The following BSN variants were observed in gnomAD, a reference collection of about 807,000 sequenced individuals.
The protein encoded by BSN is protein bassoon.
Under a neutral mutation model 264.8 loss-of-function variants are expected in BSN, and 57 were observed. That is an observed-to-expected ratio of 0.22 (90% CI 0.17 to 0.27). The LOEUF is 0.27. Ranked by LOEUF, BSN falls within the 10% of genes least tolerant of loss-of-function variation. The pLI is 1.00. For missense variants in BSN, 4,615 were observed against 5,232.5 expected (o/e 0.88, Z 3.64); for synonymous variants, 2,059 against 2,137.3 (o/e 0.96, Z 1.01).
rs1184964847 is a variant in BSN, at chr3:49,670,083, C to A, written c.*2598C>A. ...ATGGATGGGACAGGAAGCTGCCAAC[C>A]TTTGTGTTGGACTTAACACCCTTGC... On this transcript the variant is annotated 3_prime_UTR_variant, in exon 12 of 12. Coordinates refer to ENST00000296452, the MANE Select transcript of BSN (RefSeq NM_003458.4). 3.3e-5 allele frequency: 5 copies of A among 152,710 alleles called. No individual in the cohort carries two copies. Among genetic ancestry groups the A allele is most frequent in the African/African-American group, 1.2e-4 (5 of 41,468 alleles). The allele number at this position is 152,710 out of a possible 1,614,324, so 9.5% of individuals were successfully genotyped here. A position where few individuals can be genotyped will look rare whatever the true frequency, so the allele number is the denominator to read the frequency against.
At chr3:49,646,738 G>A (rs1258398594) in intron 3 of BSN, among the ~76,000 whole-genome samples, 1 of 152,180 alleles carries the variant, frequency 6.6e-6, no homozygotes, top group Non-Finnish European at 1.5e-5. Flanking sequence ...CCCTGTGGCT[G>A]GTGTAAGCTT....
chr3:49,579,240 C>T (rs1284892750), intron 1 of BSN, among the ~76,000 whole-genome samples: 1 of 151,842 alleles, frequency 6.6e-6, no homozygotes, highest in Non-Finnish European at 1.5e-5. Context: ...CCTCCTGTCT[C>T]AGGCACCCAA....
intron 1 of BSN, among the ~76,000 whole-genome samples, chr3:49,581,412 A>G (rs562734850): frequency 6.6e-6 from 1 of 152,338 alleles, no homozygotes; most frequent in East Asian, 1.9e-4. Context: ...TTGAGAGAAC[A>G]CATTCATATA....
At chr3:49,633,828 G>A (rs1375595446) in intron 2 of BSN, among the ~76,000 whole-genome samples, 1 of 152,174 alleles carries the variant, frequency 6.6e-6, no homozygotes, top group Non-Finnish European at 1.5e-5. Context: ...AGTGAAATAA[G>A]CCAGTCACAA....
chr3:49,564,468 A>G (rs1169774581), intron 1 of BSN, among the ~76,000 whole-genome samples: 3 of 152,198 alleles, frequency 2.0e-5, no homozygotes, highest in Non-Finnish European at 2.9e-5. Flanking sequence ...ACTGTGTTCC[A>G]TGAACTGGGG....
intron 1 of BSN, among the ~76,000 whole-genome samples, chr3:49,595,213 A>G (rs1278316164): frequency 9.0e-6 from 1 of 111,418 alleles, no homozygotes; most frequent in Non-Finnish European, 1.8e-5. Context: ...TTTTTTTGAG[A>G]TGGAGTTTTG....
rs368994142 is a variant in BSN, at chr3:49,650,806, G to T, written c.1713G>T (p.Lys571Asn). 1 of 1,613,870 alleles carries T rather than the reference G, an allele frequency of 6.2e-7. No individual in the cohort carries two copies. Among genetic ancestry groups the T allele is most frequent in the African/African-American group, 1.3e-5 (1 of 74,934 alleles). The stretch of plus-strand genomic sequence containing the variant: ...AGCCTTCAGGCCCCCTGCCTGCCAA[G>T]GCCAGCCCTCTATCCACCAAGGCCA... ...LGQPSGPLPA[K>N]ASPLSTKASP... Residue 571 changes from lysine to asparagine, a missense_variant, in exon 4 of 12, where the codon AAG becomes AAT. By Grantham distance (94) the Lys-to-Asn change is moderately conservative. Around this residue, in one of 3 missense-constraint regions of BSN, gnomAD observed 1,197 missense variants for 1,348.0 expected, o/e 0.89. Coordinates refer to ENST00000296452, the MANE Select transcript of BSN (RefSeq NM_003458.4).
At chr3:49,587,228 T>C (rs2051943795) in intron 1 of BSN, among the ~76,000 whole-genome samples, 1 of 152,196 alleles carries the variant, frequency 6.6e-6, no homozygotes, top group Non-Finnish European at 1.5e-5. Context: ...TGGCATATAG[T>C]AATAGAAATA....
At chr3:49,644,594 G>A (rs576305466) in intron 3 of BSN, among the ~76,000 whole-genome samples, 6 of 152,244 alleles carry the variant, frequency 3.9e-5, no homozygotes, top group South Asian at 2.1e-4. Flanking sequence ...TCACTGGCTC[G>A]GGGAAAGGGG....
intron 2 of BSN, among the ~76,000 whole-genome samples, chr3:49,627,435 A>G (rs1291748088): frequency 6.6e-6 from 1 of 152,146 alleles, no homozygotes; most frequent in African/African-American, 2.4e-5. Context: ...AATCCTTGGC[A>G]CATCTTCCTG....
At chr3:49,572,112 T>C (rs2051801424) in intron 1 of BSN, among the ~76,000 whole-genome samples, 1 of 152,182 alleles carries the variant, frequency 6.6e-6, no homozygotes, top group Non-Finnish European at 1.5e-5. Flanking sequence ...GAATATAGCA[T>C]TGAATACTGA....
At chr3:49,630,537 C>T (rs552311421) in intron 2 of BSN, among the ~76,000 whole-genome samples, 3 of 152,336 alleles carry the variant, frequency 2.0e-5, no homozygotes, top group South Asian at 4.1e-4. Context: ...GACCTTTGGC[C>T]TGCTTACTTG....
chr3:49,630,044 C>CTGCA (rs1170150142), intron 2 of BSN, among the ~76,000 whole-genome samples: 2 of 152,262 alleles, frequency 1.3e-5, no homozygotes, highest in Non-Finnish European at 2.9e-5. Context: ...TCTCCCCTGC[C>CTGCA]TGCATCCCAC....
chr3:49,609,380 G>A (rs1211221349), intron 1 of BSN, among the ~76,000 whole-genome samples: 1 of 151,912 alleles, frequency 6.6e-6, no homozygotes, highest in East Asian at 1.9e-4. Flanking sequence ...TGGGACTATA[G>A]GTGTGAGCCA....
At chr3:49,562,819 G>A (rs1361110165) in intron 1 of BSN, among the ~76,000 whole-genome samples, 1 of 152,252 alleles carries the variant, frequency 6.6e-6, no homozygotes, top group Non-Finnish European at 1.5e-5. Context: ...GTAGGATGAT[G>A]TGGAGGAAGA....
chr3:49,645,695 T>C (rs2052499691), intron 3 of BSN, among the ~76,000 whole-genome samples: 1 of 152,208 alleles, frequency 6.6e-6, no homozygotes. Context: ...CTGTCTTGGA[T>C]CTCACCTCAG....
At chr3:49,613,220 G>A (rs2052222256) in intron 1 of BSN, among the ~76,000 whole-genome samples, 1 of 151,198 alleles carries the variant, frequency 6.6e-6, no homozygotes, top group Non-Finnish European at 1.5e-5. Flanking sequence ...TCTTGGTGGT[G>A]TCACTCAATT....
chr3:49,620,483 C>G (rs563692064), intron 1 of BSN, among the ~76,000 whole-genome samples: 1 of 151,868 alleles, frequency 6.6e-6, no homozygotes, highest in African/African-American at 2.4e-5. Flanking sequence ...ACAGCAAATC[C>G]AATGGCCAAA....
At chr3:49,664,633 G>T in intron 9 of BSN, 79 bp downstream of exon 9, 1 of 1,547,868 alleles carries the variant, frequency 6.5e-7, no homozygotes, top group Non-Finnish European at 8.7e-7. Flanking sequence ...TCCAGACTCA[G>T]TCACCCAGGC....
Sources: allele counts gnomAD v4.1 joint callset (sites outside exome capture counted in the v4.1 genomes callset), GRCh38; gene constraint gnomAD v4.1.1; regional missense constraint gnomAD v4.1.1; transcripts MANE v1.5; gene names NCBI Gene and HGNC (gene_info 2026-07-23, HGNC 2026-07-21).